The following LRP1B variants were observed in gnomAD, a reference collection of about 807,000 sequenced individuals.
The protein encoded by LRP1B is LDL receptor related protein 1B, also known as low-density lipoprotein receptor-related protein 1B.
A neutral mutation model predicts 556.6 loss-of-function variants in LRP1B; 217 were observed. That is an observed-to-expected ratio of 0.39 (90% confidence interval 0.35 to 0.44). LRP1B has a LOEUF of 0.44. Among genes scored for constraint, LRP1B ranks in the 20% least tolerant of loss-of-function variants. The probability of loss-of-function intolerance (pLI) is 1.00; values close to 1 mark genes in which losing one functional copy is unlikely to be tolerated. For missense variants in LRP1B, 5,053 were observed against 5,620.8 expected, an observed-to-expected ratio of 0.90 and a Z score of 3.23; for synonymous variants, 2,047 against 1,865.8, an observed-to-expected ratio of 1.10 and a Z score of -2.50.
intron 3 of LRP1B, among the ~76,000 whole-genome samples, chr2:141,327,353 T>C (rs921899440): frequency 2.0e-5 from 3 of 152,164 alleles, no homozygotes; most frequent in African/African-American, 7.2e-5. Context: ...ATCGTGCCAA[T>C]GGTGATAGTC....
At position 141,897,464 on chromosome 2, in the gene LRP1B, T is replaced by C. The variant is rs144918503; in HGVS notation, c.83-87063A>G. Reference sequence around the variant, plus strand: ...TTTGCACCACATGAGACAGTCAGAATAATGTGTGAGCTGAATATTTTACAG... The same window carrying C: ...TTTGCACCACATGAGACAGTCAGAACAATGTGTGAGCTGAATATTTTACAG... On this transcript the variant is annotated intron_variant, in intron 1 of 90. Transcript: ENST00000389484. Among the ~76,000 whole-genome samples, 357 of 152,224 alleles carry C rather than the reference T, an allele frequency of 2.3e-3. 1 individual carries two copies. The highest frequency in any genetic ancestry group is 7.6e-3 in the African/African-American group (315 of 41,556).
chr2:141,529,273 A>G (rs1684793503), intron 2 of LRP1B, among the ~76,000 whole-genome samples: 1 of 152,220 alleles, frequency 6.6e-6, no homozygotes, highest in Admixed American at 6.5e-5. Flanking sequence ...AATGGTTTCA[A>G]GAAAGTCTGT....
chr2:141,492,838 T>A (rs1324710459), intron 2 of LRP1B, among the ~76,000 whole-genome samples: 1 of 152,190 alleles, frequency 6.6e-6, no homozygotes, highest in African/African-American at 2.4e-5. Flanking sequence ...ATGCATTTTA[T>A]GTTTCAGACC....
intron 72 of LRP1B, 44 bp from the exon 73 acceptor site, chr2:140,358,990 T>G (rs749340986): frequency 6.3e-7 from 1 of 1,578,150 alleles, no homozygotes; most frequent in African/African-American, 1.4e-5. Context: ...TTCGAGTACA[T>G]TGCTTTATGA....
intron 27 of LRP1B, among the ~76,000 whole-genome samples, chr2:140,852,054 G>A (rs1692476093): frequency 6.6e-6 from 1 of 152,220 alleles, no homozygotes; most frequent in African/African-American, 2.4e-5. Flanking sequence ...GTGGCCGGAT[G>A]TGGTTGCTCA....
intron 1 of LRP1B, among the ~76,000 whole-genome samples, chr2:141,912,303 C>T (rs1317862563): frequency 6.6e-6 from 1 of 151,938 alleles, no homozygotes; most frequent in Non-Finnish European, 1.5e-5. Context: ...ATGTATAATC[C>T]CAACACCAAA....
chr2:141,037,235 G>C (rs962114118), intron 11 of LRP1B, among the ~76,000 whole-genome samples: 1 of 151,986 alleles, frequency 6.6e-6, no homozygotes, highest in Admixed American at 6.6e-5. Flanking sequence ...GAAAGCTTTG[G>C]CTCCGTAAAG....
chr2:141,602,813 C>T (rs1375183898), intron 2 of LRP1B, among the ~76,000 whole-genome samples: 1 of 152,126 alleles, frequency 6.6e-6, no homozygotes, highest in Non-Finnish European at 1.5e-5. Context: ...CAGGTGACAA[C>T]ACAAACAATT....
At chr2:142,008,432 G>A (rs944817665) in intron 1 of LRP1B, among the ~76,000 whole-genome samples, 1 of 152,112 alleles carries the variant, frequency 6.6e-6, no homozygotes, top group African/African-American at 2.4e-5. Context: ...AGCCTTACAC[G>A]GGATCCTTTC....
chr2:140,337,263 T>C (rs1681149489), intron 77 of LRP1B, among the ~76,000 whole-genome samples: 1 of 151,884 alleles, frequency 6.6e-6, no homozygotes, highest in African/African-American at 2.4e-5. Context: ...ACTTTAAAAC[T>C]GAAATTATGA....
intron 7 of LRP1B, among the ~76,000 whole-genome samples, chr2:141,137,554 G>A (rs2105044951): frequency 6.6e-6 from 1 of 152,008 alleles, no homozygotes; most frequent in East Asian, 1.9e-4. Flanking sequence ...CCTAACCTGA[G>A]CTAGTTAACA....
chr2:141,156,901 C>T (rs75937183), intron 7 of LRP1B, among the ~76,000 whole-genome samples: 3,661 of 152,186 alleles, frequency 0.024, 70 homozygotes, highest in South Asian at 0.039. Context: ...AAAACCCCAA[C>T]ATTAGTTATA....
chr2:140,307,995 G>A (rs1418377705), intron 83 of LRP1B, among the ~76,000 whole-genome samples: 3 of 151,686 alleles, frequency 2.0e-5, no homozygotes, highest in Non-Finnish European at 3.0e-5. Context: ...TTCCAAAATA[G>A]TATACTATGC....
intron 2 of LRP1B, among the ~76,000 whole-genome samples, chr2:141,766,260 G>A (rs1378564097): frequency 6.6e-6 from 1 of 152,132 alleles, no homozygotes; most frequent in Admixed American, 6.5e-5. Context: ...CAGCAGATTT[G>A]GGTGAAATTG....
intron 1 of LRP1B, among the ~76,000 whole-genome samples, chr2:142,075,039 A>C (rs955937547): frequency 1.3e-5 from 2 of 152,106 alleles, no homozygotes; most frequent in Non-Finnish European, 2.9e-5. Context: ...AAAAGCTTAA[A>C]TTGGAGATTA....
chr2:141,334,559 A>ATAT lies in LRP1B; in HGVS notation c.344-79919_344-79918insATA, dbSNP rs1409525827. Among the ~76,000 whole-genome samples the ATAT allele has an allele frequency of 3.4e-3, 525 of 152,292 alleles. 3 individuals carry two copies. Among genetic ancestry groups the ATAT allele is most frequent in the African/African-American group, 0.012 (493 of 41,564 alleles). ...AGACTAATACATTGAACTTCCTAGA[A>ATAT]ACAGTGATATAGTCCAGACTCTTGC... On this transcript the variant is annotated intron_variant, in intron 3 of 90. Coordinates refer to ENST00000389484, the MANE Select transcript of LRP1B (RefSeq NM_018557.3).
chr2:141,566,781 C>A (rs1310306632), intron 2 of LRP1B, among the ~76,000 whole-genome samples: 1 of 151,998 alleles, frequency 6.6e-6, no homozygotes, highest in East Asian at 1.9e-4. Flanking sequence ...ATCACTTGAG[C>A]CCAGGTGTTT....
At chr2:141,983,100 A>G (rs982202778) in intron 1 of LRP1B, among the ~76,000 whole-genome samples, 2 of 152,218 alleles carry the variant, frequency 1.3e-5, no homozygotes, top group Non-Finnish European at 2.9e-5. Context: ...CATTTTGTAA[A>G]TCACAGGAGA....
At chr2:141,068,545 A>G (rs72981100) in intron 7 of LRP1B, among the ~76,000 whole-genome samples, 2 of 146,308 alleles carry the variant, frequency 1.4e-5, no homozygotes, top group East Asian at 4.1e-4. Context: ...TCCTGACTGC[A>G]CATGTGGTTG....
Sources: allele counts gnomAD v4.1 joint callset (sites outside exome capture counted in the v4.1 genomes callset), GRCh38; gene constraint gnomAD v4.1.1; transcripts MANE v1.5; gene names NCBI Gene and HGNC (gene_info 2026-07-23, HGNC 2026-07-21).